The following PCDHGA4 variants were observed in gnomAD, a reference collection of about 807,000 sequenced individuals.
PCDHGA4 encodes the protein protocadherin gamma subfamily A, 4.
Under a neutral mutation model 54.6 loss-of-function variants are expected in PCDHGA4, and 38 were observed. The observed-to-expected ratio is 0.70, with a 90% CI of 0.54 to 0.91. The LOEUF (loss-of-function observed/expected upper bound fraction) is 0.91. Among genes scored for constraint, PCDHGA4 ranks in the 40% least tolerant of loss-of-function variants. PCDHGA4 has a pLI of 0.00. For missense variants in PCDHGA4, 1,298 were observed against 1,220.9 expected (o/e 1.06, Z -0.94); for synonymous variants, 511 against 512.9 (o/e 1.00, Z 0.05).
rs776348214 is a variant in PCDHGA4 at position 141,487,781 on chromosome 5, G to A, written c.2515-7026G>A. 108 of 1,526,850 alleles carry A rather than the reference G, an allele frequency of 7.1e-5. No individual in the cohort carries two copies. Among genetic ancestry groups the A allele is most frequent in the East Asian group, 3.7e-4 (15 of 40,622 alleles). 94.6% of individuals were successfully genotyped at this position (1,526,850 alleles called of 1,614,324 possible). On this transcript the variant is annotated intron_variant, in intron 1 of 3. Coordinates refer to ENST00000571252, the MANE Select transcript of PCDHGA4 (RefSeq NM_018917.4). This position sits in a 1 kb window ranked among gnomAD's most constrained non-coding sequence, Gnocchi z 5.0. ...AGACGCTGTGCTTTGTAACTGTTTC[G>A]TGAATTAACCAGAGTTGTCACAGTT... is the stretch of plus-strand genomic sequence containing the variant.
chr5:141,374,102 C>T, intron 1 of PCDHGA4: 2 of 1,568,166 alleles, frequency 1.3e-6, no homozygotes, highest in South Asian at 2.4e-5. Flanking sequence ...TCCGCAGAGG[C>T]ATCCGCAGCG....
chr5:141,454,779 A>G (rs1387404898), intron 1 of PCDHGA4, among the ~76,000 whole-genome samples: 2 of 146,092 alleles, frequency 1.4e-5, no homozygotes, highest in African/African-American at 2.6e-5. Context: ...ACAAGGAAAT[A>G]ATCCTCCATG....
At chr5:141,360,270 G>C (rs1761507525) in intron 1 of PCDHGA4, 4 of 1,613,904 alleles carry the variant, frequency 2.5e-6, no homozygotes, top group South Asian at 1.1e-5. Context: ...CCAAAAACTC[G>C]GTCGTAGGAA....
chr5:141,423,434 T>C, intron 1 of PCDHGA4: 1 of 1,614,036 alleles, frequency 6.2e-7, no homozygotes, highest in Non-Finnish European at 8.5e-7. Flanking sequence ...TTGGCAGGTA[T>C]GCCCACGTCA....
intron 3 of PCDHGA4, 72 bp from the exon 4 acceptor site, chr5:141,510,875 C>T: frequency 6.2e-7 from 1 of 1,610,120 alleles, no homozygotes; most frequent in Admixed American, 1.7e-5. Context: ...TCATTAACTG[C>T]TGGGGATATA....
intron 1 of PCDHGA4, chr5:141,377,681 T>C (rs1458996309): frequency 6.6e-6 from 1 of 152,182 alleles, no homozygotes; most frequent in Non-Finnish European, 1.5e-5. Flanking sequence ...ACAAGAGATC[T>C]TTCACCTTTA....
At chr5:141,452,003 T>C (rs1031228207) in intron 1 of PCDHGA4, among the ~76,000 whole-genome samples, 2 of 152,210 alleles carry the variant, frequency 1.3e-5, no homozygotes, top group Non-Finnish European at 2.9e-5. Context: ...CAAAATCACT[T>C]GGTCCAGCCC....
intron 1 of PCDHGA4, among the ~76,000 whole-genome samples, chr5:141,456,625 C>T (rs544550965): frequency 4.6e-5 from 7 of 152,288 alleles, no homozygotes; most frequent in African/African-American, 1.4e-4. Flanking sequence ...AGATTTGCCT[C>T]TTCTTTACTA....
Position 141,431,996 on chromosome 5 carries a change from G to A in PCDHGA4, c.2515-62811G>A, listed in dbSNP as rs766891220. ...AGTCACAGACATAGTCTTGGATAGGGAACAGGTTCCTAGCTACAACATCAC... is the reference window on the plus strand; with the variant it reads ...AGTCACAGACATAGTCTTGGATAGGAAACAGGTTCCTAGCTACAACATCAC... On this transcript the variant is annotated intron_variant, in intron 1 of 3. Transcript: ENST00000571252. The surrounding 1 kb of genome is among the most constrained non-coding windows in gnomAD (Gnocchi z 4.8). 1.9e-6 allele frequency: 3 copies of A among 1,614,192 alleles called. No homozygotes were observed. In the East Asian group the frequency reaches 6.7e-5, roughly 36 times the overall value.
chr5:141,382,040 G>T, intron 1 of PCDHGA4, among the ~76,000 whole-genome samples: 1 of 151,758 alleles, frequency 6.6e-6, no homozygotes, highest in Admixed American at 6.6e-5. Flanking sequence ...TGTTGGTCAG[G>T]CTGGTCTCAA....
intron 1 of PCDHGA4, chr5:141,421,577 T>C (rs1385519860): frequency 1.4e-5 from 22 of 1,613,748 alleles, no homozygotes; most frequent in Non-Finnish European, 1.5e-5. Context: ...ACCTTGAAGA[T>C]TTACGGAGTG....
rs754888812 is a variant in PCDHGA4, at chr5:141,374,393, G to T, written c.2514+16772G>T. The T allele has an allele frequency of 1.1e-5, 18 of 1,614,032 alleles. No individual in the cohort carries two copies. In the Middle Eastern group the frequency reaches 1.2e-3, roughly 104 times the overall value. ...CTGTGCTCAGAGCCCGCGGTGTCTG[G>T]TGAGTTTTAACATCCTTGTCGAGGA... On this transcript the variant is annotated intron_variant, in intron 1 of 3. Transcript: ENST00000571252.
At chr5:141,367,902 T>C (rs1249968582) in intron 1 of PCDHGA4, 1 of 152,146 alleles carries the variant, frequency 6.6e-6, no homozygotes, top group Non-Finnish European at 1.5e-5. Context: ...TTTAAGGTTG[T>C]ATTTGAAAAA....
intron 1 of PCDHGA4, chr5:141,373,875 AAATC>A (rs3840507): frequency 0.061 from 29,734 of 483,624 alleles, 1,189 homozygotes; most frequent in African/African-American, 0.14. Context: ...CTGGGCAAGA[AAATC>A]AACGGAAACT....
At chr5:141,492,163 C>T (rs921256341) in intron 1 of PCDHGA4, among the ~76,000 whole-genome samples, 22 of 152,232 alleles carry the variant, frequency 1.4e-4, no homozygotes, top group African/African-American at 5.3e-4. Context: ...CCTCCCTATC[C>T]CCGCATCACC....
At chr5:141,389,440 A>C (rs769871337) in intron 1 of PCDHGA4, 3 of 1,610,596 alleles carry the variant, frequency 1.9e-6, no homozygotes, top group Non-Finnish European at 2.5e-6. Context: ...CGCGCCTTCG[A>C]CCACGAGCAG....
chr5:141,496,916 T>C (rs1252437822), intron 2 of PCDHGA4, among the ~76,000 whole-genome samples: 4 of 148,274 alleles, frequency 2.7e-5, no homozygotes, highest in African/African-American at 9.9e-5. Context: ...CTGGGCACTG[T>C]GGTTCACGCC....
At chr5:141,433,212 T>C (rs747556366) in intron 1 of PCDHGA4, 75 of 1,570,956 alleles carry the variant, frequency 4.8e-5, no homozygotes, top group Non-Finnish European at 6.2e-5. Flanking sequence ...TTCTTTCTTT[T>C]TTTTTTTTAA....
chr5:141,490,544 A>G lies in PCDHGA4; in HGVS notation c.2515-4263A>G. 6.2e-7 allele frequency: 1 copy of G among 1,614,120 alleles called. No individual in the cohort carries two copies. Among genetic ancestry groups the G allele is most frequent in the Non-Finnish European group, 8.5e-7 (1 of 1,180,028 alleles). ...AGCGATGCTGGTTCACCTTCCCTAC[A>G]CAAACATCTCACCATCAGGCTCAAC... On this transcript the variant is annotated intron_variant, in intron 1 of 3. Transcript: ENST00000571252. This position sits in a 1 kb window ranked among gnomAD's most constrained non-coding sequence, Gnocchi z 5.4.
Sources: gnomAD v4.1 joint callset for allele counts (sites outside exome capture counted in the v4.1 genomes callset) on GRCh38, gnomAD v4.1.1 for gene constraint, Gnocchi (gnomAD v3.1) non-coding constraint, MANE v1.5 for transcripts, NCBI Gene and HGNC (gene_info 2026-07-23, HGNC 2026-07-21) for gene names.